Variants in GJC1 observed in about 807,000 individuals in gnomAD.
GJC1 encodes the protein gap junction gamma-1 protein.
GJC1 carries 5 observed loss-of-function variants against 29.3 expected under a neutral mutation model. The ratio of observed to expected loss-of-function variants is 0.17; its 90% confidence interval spans 0.09 to 0.36. The LOEUF is 0.36. Among genes scored for constraint, GJC1 ranks in the 10% least tolerant of loss-of-function variants. The probability of loss-of-function intolerance (pLI) is 1.00; values close to 1 mark genes in which losing one functional copy is unlikely to be tolerated. For missense variants in GJC1, 310 were observed against 496.2 expected, an observed-to-expected ratio of 0.62 and a Z score of 3.56; for synonymous variants, 177 against 183.3, an observed-to-expected ratio of 0.97 and a Z score of 0.28.
At chr17:44,818,756 C>T (rs1400574196) in intron 1 of GJC1, among the ~76,000 whole-genome samples, 2 of 151,856 alleles carry the variant, frequency 1.3e-5, no homozygotes, top group East Asian at 3.9e-4. Context: ...GATTGTACCA[C>T]TGCACTCCAG....
rs990171024 is a variant in GJC1 at position 44,800,683 on chromosome 17, A to G, written c.*3944T>C. On this transcript the variant is annotated 3_prime_UTR_variant, in exon 3 of 3. Coordinates refer to ENST00000592524, the MANE Select transcript of GJC1 (RefSeq NM_005497.4). ...AAACTGCTAGAGAGTGTTTCAGACC[A>G]TCACTGATGTCTGTGATAAAGAGCA... is the stretch of plus-strand genomic sequence containing the variant. 6.6e-6 allele frequency: 1 copy of G among 152,192 alleles called. No individual in the cohort carries two copies. The highest frequency in any genetic ancestry group is 2.4e-5 in the African/African-American group (1 of 41,454). 9.4% of individuals were successfully genotyped at this position (152,192 alleles called of 1,614,324 possible).
chr17:44,807,595 T>C (rs560890170), intron 1 of GJC1, 126 bp from the exon 2 acceptor site: 22 of 152,234 alleles, frequency 1.4e-4, no homozygotes, highest in African/African-American at 2.9e-4. Flanking sequence ...GAGAATAAGA[T>C]AGAAACAGGC....
intron 1 of GJC1, among the ~76,000 whole-genome samples, chr17:44,826,263 T>C (rs2050175443): frequency 1.3e-5 from 2 of 152,098 alleles, no homozygotes; most frequent in African/African-American, 4.8e-5. Flanking sequence ...CCGGGCACGG[T>C]GGCTCACGAC....
rs1243960532 is a variant in GJC1, at chr17:44,803,418, C to T, written c.*1209G>A. On this transcript the variant is annotated 3_prime_UTR_variant, in exon 3 of 3. Coordinates refer to ENST00000592524, the MANE Select transcript of GJC1 (RefSeq NM_005497.4). The stretch of plus-strand genomic sequence containing the variant: ...CTTGTCAGTGACAAACACATTATGC[C>T]TACAAAGAATAAATACTGCACTTCT... The T allele has an allele frequency of 1.3e-5, 2 of 152,168 alleles. No individual in the cohort carries two copies. The highest frequency in any genetic ancestry group is 4.8e-5 in the African/African-American group (2 of 41,434). The allele number at this position is 152,168 out of a possible 1,614,324, so 9.4% of individuals were successfully genotyped here.
chr17:44,808,400 C>G (rs1011486974), intron 1 of GJC1, among the ~76,000 whole-genome samples: 16 of 150,464 alleles, frequency 1.1e-4, no homozygotes, highest in Non-Finnish European at 4.4e-5. Context: ...GCAGTCCAAC[C>G]TGGTAGATAG....
intron 1 of GJC1, among the ~76,000 whole-genome samples, chr17:44,815,655 T>G (rs1400248838): frequency 1.3e-5 from 2 of 152,158 alleles, no homozygotes; most frequent in Admixed American, 6.6e-5. Flanking sequence ...CCAACCCCTT[T>G]GTGGGTTATT....
In GJC1 at chr17:44,804,325, T is replaced by A; in HGVS notation, c.*302A>T. ...TAAAAAAAAAAAAGTACCATAATAC[T>A]GTACATACAAAAACTGTTCAACAAG... is the stretch of plus-strand genomic sequence containing the variant. On this transcript the variant is annotated 3_prime_UTR_variant, in exon 3 of 3. Coordinates refer to ENST00000592524, the MANE Select transcript of GJC1 (RefSeq NM_005497.4). The A allele has an allele frequency of 6.6e-6, 2 of 304,620 alleles. No individual in the cohort carries two copies. Among genetic ancestry groups the A allele is most frequent in the Non-Finnish European group, 6.0e-6 (1 of 165,810 alleles). The allele number at this position is 304,620 out of a possible 1,614,324, so 18.9% of individuals were successfully genotyped here.
At chr17:44,808,951 G>A (rs749804202) in intron 1 of GJC1, among the ~76,000 whole-genome samples, 1 of 152,174 alleles carries the variant, frequency 6.6e-6, no homozygotes, top group South Asian at 2.1e-4. Context: ...GTGCATGCCT[G>A]TAATCCCAGC....
chr17:44,802,554 G>GT lies in GJC1; in HGVS notation c.*2072dup, dbSNP rs1261753362. The GT allele has an allele frequency of 2.6e-5, 4 of 152,166 alleles. No homozygotes were observed. Among genetic ancestry groups the GT allele is most frequent in the African/African-American group, 9.7e-5 (4 of 41,438 alleles). 9.4% of individuals were successfully genotyped at this position (152,166 alleles called of 1,614,324 possible). ...TATTAATTACCCATGAGGTACATGT[G>GT]TATTTCTGAAATTTCTCCTTCAGTC... On this transcript the variant is annotated 3_prime_UTR_variant, in exon 3 of 3. Coordinates refer to ENST00000592524, the MANE Select transcript of GJC1 (RefSeq NM_005497.4).
downstream of GJC1, among the ~76,000 whole-genome samples, chr17:44,796,760 G>T (rs1004671581): frequency 6.6e-6 from 1 of 152,050 alleles, no homozygotes; most frequent in African/African-American, 2.4e-5. Context: ...ATCCCCCAGA[G>T]AACTTGTTAG....
chr17:44,811,534 A>G (rs1413887105), intron 1 of GJC1, among the ~76,000 whole-genome samples: 1 of 151,566 alleles, frequency 6.6e-6, no homozygotes, highest in Non-Finnish European at 1.5e-5. Context: ...CTACAGTTGC[A>G]CGCCACCATG....
At chr17:44,797,659 A>C (rs1424730519), downstream of GJC1, 1 of 152,214 alleles carries the variant, frequency 6.6e-6, no homozygotes, top group Non-Finnish European at 1.5e-5. Flanking sequence ...ACAAACCCTA[A>C]AAGTATCATA....
At chr17:44,814,188 T>G (rs541642116) in intron 1 of GJC1, among the ~76,000 whole-genome samples, 9 of 152,128 alleles carry the variant, frequency 5.9e-5, no homozygotes, top group Non-Finnish European at 1.2e-4. Context: ...TCGCCCAGGC[T>G]GGAGTGCAGT....
intron 1 of GJC1, among the ~76,000 whole-genome samples, chr17:44,808,371 G>A (rs1342503153): frequency 6.6e-6 from 1 of 151,886 alleles, no homozygotes; most frequent in Non-Finnish European, 1.5e-5. Context: ...AGCCAGGTGT[G>A]GTGGCAGTGG....
Position 44,802,659 on chromosome 17 carries a change from T to TA in GJC1, c.*1967dup, listed in dbSNP as rs1567705456. ...AGGCTAAAATTTAAAGATTTTTTTTTAAAAAAGCAAATAAAAGTAAATGAA... is the reference window on the plus strand; with the variant it reads ...AGGCTAAAATTTAAAGATTTTTTTTTAAAAAAAGCAAATAAAAGTAAATGAA... On this transcript the variant is annotated 3_prime_UTR_variant, in exon 3 of 3. Transcript: ENST00000592524. 1 of 152,022 alleles carries TA rather than the reference T, an allele frequency of 6.6e-6. No homozygotes were observed. The highest frequency in any genetic ancestry group is 1.5e-5 in the Non-Finnish European group (1 of 68,016). The allele number at this position is 152,022 out of a possible 1,614,324, so 9.4% of individuals were successfully genotyped here.
At chr17:44,816,635 A>T (rs1214570102) in intron 1 of GJC1, among the ~76,000 whole-genome samples, 1 of 151,906 alleles carries the variant, frequency 6.6e-6, no homozygotes, top group East Asian at 1.9e-4. Flanking sequence ...CTTCTCGAGT[A>T]GCTGGGATTA....
intron 1 of GJC1, among the ~76,000 whole-genome samples, chr17:44,827,969 T>C (rs755428354): frequency 2.6e-5 from 4 of 152,218 alleles, no homozygotes; most frequent in Non-Finnish European, 5.9e-5. Flanking sequence ...TCACTTTGCA[T>C]TGAATTAGGC....
chr17:44,824,670 C>T (rs1027294933), intron 1 of GJC1, among the ~76,000 whole-genome samples: 4 of 151,818 alleles, frequency 2.6e-5, no homozygotes, highest in East Asian at 3.9e-4. Context: ...ATTAGCCAGG[C>T]GTGGCAGCAT....
At chr17:44,818,497 T>TA (rs2050068623) in intron 1 of GJC1, among the ~76,000 whole-genome samples, 1 of 128,818 alleles carries the variant, frequency 7.8e-6, no homozygotes, top group Non-Finnish European at 1.6e-5. Context: ...AAGTCTCTAA[T>TA]AGTCTCATGT....
Sources: gnomAD v4.1 joint callset for allele counts (sites outside exome capture counted in the v4.1 genomes callset) on GRCh38, gnomAD v4.1.1 for gene constraint, MANE v1.5 for transcripts, NCBI Gene and HGNC (gene_info 2026-07-23, HGNC 2026-07-21) for gene names.